Variants in SP3 observed in about 807,000 individuals in gnomAD.
SP3 encodes Sp3 transcription factor, also known as transcription factor Sp3.
Under a neutral mutation model 70.3 loss-of-function variants are expected in SP3, and 10 were observed. That is an observed-to-expected ratio of 0.14 (90% CI 0.09 to 0.24). The LOEUF is 0.24. Ranked by LOEUF, SP3 falls within the 10% of genes least tolerant of loss-of-function variation. The pLI is 1.00. For synonymous variants in SP3, 402 were observed against 333.5 expected, an observed-to-expected ratio of 1.21 and a Z score of -2.24; for missense variants, 825 against 914.6, an observed-to-expected ratio of 0.90 and a Z score of 1.26.
At chr2:173,933,638 T>TTTATATATATATATA (rs1553516840) in intron 4 of SP3, among the ~76,000 whole-genome samples, 1 of 86,566 alleles carries the variant, frequency 1.2e-5, no homozygotes, top group African/African-American at 4.2e-5. Context: ...TTATAAAACT[T>TTTATATATATATATA]TATATATATA....
At chr2:173,924,055 A>C (rs1476334248) in intron 4 of SP3, among the ~76,000 whole-genome samples, 1 of 152,060 alleles carries the variant, frequency 6.6e-6, no homozygotes, top group Non-Finnish European at 1.5e-5. Flanking sequence ...TAGGTTTTTA[A>C]AACTAAATGT....
Position 173,956,037 on chromosome 2 carries a change from C to A in SP3, c.475G>T (p.Asp159Tyr). ...CTGGACACTGTACCATTTGATGAATCTGATCCTGGTGCAACGGAAAATATT... is the reference window on the plus strand; with the variant it reads ...CTGGACACTGTACCATTTGATGAATATGATCCTGGTGCAACGGAAAATATT... ...QQIFSVAPGSDSSNGTVSSVQ... is the reference protein window; with the variant it reads ...QQIFSVAPGSYSSNGTVSSVQ... The change falls in exon 4 of 7, where the codon GAT becomes TAT. Residue 159 changes from aspartate to tyrosine, a missense_variant. Physicochemically the swap from Asp to Tyr is radical, Grantham distance 160 (BLOSUM62 -3). Around this residue, in one of 4 missense-constraint regions of SP3, gnomAD observed 678 missense variants for 651.6 expected, o/e 1.04. Transcript: ENST00000310015. The A allele has an allele frequency of 6.2e-7, 1 of 1,614,166 alleles. No homozygotes were observed. The highest frequency in any genetic ancestry group is 8.5e-7 in the Non-Finnish European group (1 of 1,180,014).
chr2:173,948,886 T>C (rs868087801), intron 4 of SP3, among the ~76,000 whole-genome samples: 3 of 152,086 alleles, frequency 2.0e-5, no homozygotes, highest in Non-Finnish European at 4.4e-5. Flanking sequence ...TAGCATGCAA[T>C]ACATACATGA....
intron 2 of SP3, 191 bp downstream of exon 2, chr2:173,964,214 G>C (rs1691192753): frequency 2.1e-6 from 1 of 473,346 alleles, no homozygotes; most frequent in Non-Finnish European, 3.7e-6. Flanking sequence ...CGGCAGGCGG[G>C]CGAGGCGGGG....
rs947296349 is a variant in SP3 at position 173,903,954 on chromosome 2, A to T, written c.*5987T>A. Among the ~76,000 whole-genome samples the T allele has an allele frequency of 7.5e-6, 1 of 133,190 alleles. No homozygotes were observed. The highest frequency in any genetic ancestry group is 7.9e-5 in the Admixed American group (1 of 12,648). 87.4% of individuals were successfully genotyped at this position (133,190 alleles called of 152,430 possible). On this transcript the variant is annotated 3_prime_UTR_variant, in exon 7 of 7. Coordinates refer to ENST00000310015, the MANE Select transcript of SP3 (RefSeq NM_003111.5). ...GGCGGTCCCCAAACTTTTTGGCACC[A>T]GGGACTAGTTTTGAGGAAGACAATT...
chr2:173,951,639 T>A lies in SP3; in HGVS notation c.1639+3234A>T, dbSNP rs550621431. 2.0e-5 allele frequency among the ~76,000 whole-genome samples: 3 copies of A among 152,318 alleles called. No homozygotes were observed. In the South Asian group the frequency reaches 6.2e-4, roughly 32 times the overall value. On this transcript the variant is annotated intron_variant, in intron 4 of 6. Coordinates refer to ENST00000310015, the MANE Select transcript of SP3 (RefSeq NM_003111.5). ...GAGTATCTACTCACGGATATCTACC[T>A]GGAAAGGGCAAGAATAACTTAATAT... is the stretch of plus-strand genomic sequence containing the variant.
In SP3 at chr2:173,955,813, T is replaced by G; in HGVS notation, c.699A>C (p.Gln233His). 6.2e-7 allele frequency: 1 copy of G among 1,614,232 alleles called. No individual in the cohort carries two copies. The highest frequency in any genetic ancestry group is 8.5e-7 in the Non-Finnish European group (1 of 1,180,034). ...CAATTGCAACTCCCTGAACCTGGAC[T>G]TGACCAGTCTGTGGTATGAGATTCT... is the stretch of plus-strand genomic sequence containing the variant. ...NIQNLIPQTG[Q>H]VQVQGVAIGG... is the part of the protein sequence containing the mutation. Residue 233 changes from glutamine (Q) to histidine (H), a missense_variant, in exon 4 of 7, where the codon CAA becomes CAC. By Grantham distance (24) the Gln-to-His change is conservative (BLOSUM62 0). Around this residue, in one of 4 missense-constraint regions of SP3, gnomAD observed 678 missense variants for 651.6 expected, o/e 1.04. Transcript: ENST00000310015.
At chr2:173,946,720 CCTTT>C (rs948786661) in intron 4 of SP3, among the ~76,000 whole-genome samples, 2 of 136,328 alleles carry the variant, frequency 1.5e-5, no homozygotes, top group South Asian at 2.3e-4. Context: ...GAAAGATCTG[CCTTT>C]TTTTTTTTTT....
At chr2:173,941,554 T>TCATGCCAC in intron 4 of SP3, among the ~76,000 whole-genome samples, 1 of 152,314 alleles carries the variant, frequency 6.6e-6, no homozygotes, top group South Asian at 2.1e-4. Context: ...AGGCCAGTGA[T>TCATGCCAC]CATGCCACTG....
chr2:173,943,969 A>G (rs1357886406), intron 4 of SP3, among the ~76,000 whole-genome samples: 1 of 152,246 alleles, frequency 6.6e-6, no homozygotes, highest in Non-Finnish European at 1.5e-5. Flanking sequence ...TGAGTACTAT[A>G]GGCAACTGTA....
chr2:173,960,764 A>G (rs1321793377), intron 3 of SP3, among the ~76,000 whole-genome samples: 1 of 151,842 alleles, frequency 6.6e-6, no homozygotes, highest in Non-Finnish European at 1.5e-5. Context: ...AGGTCAGGAG[A>G]TCGAGACCAT....
rs773977549 is a variant in SP3 at position 173,904,175 on chromosome 2, G to A, written c.*5766C>T. 6.6e-5 allele frequency among the ~76,000 whole-genome samples: 10 copies of A among 152,284 alleles called. No individual in the cohort carries two copies. Among genetic ancestry groups the A allele is most frequent in the Non-Finnish European group, 1.5e-4 (10 of 68,014 alleles). ...CAGGAGGCAGAGCTCAGGCAGGAAT[G>A]CTCGCTTACCTCCTGCTGTATGGCC... is the stretch of plus-strand genomic sequence containing the variant. On this transcript the variant is annotated 3_prime_UTR_variant, in exon 7 of 7. Coordinates refer to ENST00000310015, the MANE Select transcript of SP3 (RefSeq NM_003111.5).
intron 5 of SP3, 149 bp downstream of exon 5, chr2:173,918,443 TG>T (rs1689665174): frequency 1.4e-6 from 1 of 717,666 alleles, no homozygotes; most frequent in African/African-American, 1.8e-5. Flanking sequence ...CCATATATTT[TG>T]TTCTCTAACT....
chr2:173,950,091 T>C (rs1690668101), intron 4 of SP3, among the ~76,000 whole-genome samples: 1 of 152,064 alleles, frequency 6.6e-6, no homozygotes, highest in Non-Finnish European at 1.5e-5. Context: ...GGGCCACAAA[T>C]GGACAGAAAT....
intron 4 of SP3, among the ~76,000 whole-genome samples, chr2:173,937,108 T>C (rs977011237): frequency 2.0e-5 from 3 of 152,080 alleles, no homozygotes; most frequent in African/African-American, 7.2e-5. Context: ...CTACAGACAA[T>C]ACAAAAAAAG....
At chr2:173,957,581 T>C (rs1159664959) in intron 3 of SP3, among the ~76,000 whole-genome samples, 1 of 152,122 alleles carries the variant, frequency 6.6e-6, no homozygotes, top group Admixed American at 6.5e-5. Context: ...TAGAGGAAAG[T>C]AATGGGGAAC....
chr2:173,933,974 T>G (rs1057374244), intron 4 of SP3, among the ~76,000 whole-genome samples: 31 of 57,568 alleles, frequency 5.4e-4, no homozygotes, highest in Non-Finnish European at 2.5e-4. Flanking sequence ...GGTGTACATC[T>G]GTAGTCCCAG....
At chr2:173,946,896 T>A (rs1380403446) in intron 4 of SP3, among the ~76,000 whole-genome samples, 3 of 151,386 alleles carry the variant, frequency 2.0e-5, no homozygotes, top group African/African-American at 7.3e-5. Flanking sequence ...TTTTTTTTTT[T>A]AAGGTAGACG....
intron 3 of SP3, among the ~76,000 whole-genome samples, chr2:173,961,447 T>C (rs1330684704): frequency 1.3e-5 from 2 of 152,192 alleles, no homozygotes; most frequent in Admixed American, 6.5e-5. Context: ...ATATATGCAA[T>C]GTGGAATCCT....
Sources: allele counts gnomAD v4.1 joint callset (sites outside exome capture counted in the v4.1 genomes callset), GRCh38; gene constraint gnomAD v4.1.1; regional missense constraint gnomAD v4.1.1; transcripts MANE v1.5; gene names NCBI Gene and HGNC (gene_info 2026-07-23, HGNC 2026-07-21).